Variants in SUN1 observed in about 807,000 individuals in gnomAD.
SUN1 encodes the protein Sad1 and UNC84 domain containing 1, also known as SUN domain-containing protein 1.
A neutral mutation model predicts 103.2 loss-of-function variants in SUN1; 61 were observed. That is an observed-to-expected ratio of 0.59 (90% confidence interval 0.48 to 0.73). SUN1 has a LOEUF of 0.73. SUN1 is among the 30% of genes least tolerant of loss of function. SUN1 has a pLI of 0.00. For missense variants in SUN1, 1,052 were observed against 1,034.6 expected, an observed-to-expected ratio of 1.02 and a Z score of -0.23; for synonymous variants, 490 against 425.7, an observed-to-expected ratio of 1.15 and a Z score of -1.86.
intron 1 of SUN1, among the ~76,000 whole-genome samples, chr7:825,357 T>C (rs892811781): frequency 1.3e-5 from 2 of 152,216 alleles, no homozygotes; most frequent in African/African-American, 4.8e-5. Flanking sequence ...CCACCGCACT[T>C]GGCCTATTAT....
intron 1 of SUN1, among the ~76,000 whole-genome samples, chr7:837,089 G>C (rs1232205176): frequency 6.6e-6 from 1 of 152,244 alleles, no homozygotes; most frequent in Non-Finnish European, 1.5e-5. Flanking sequence ...AAGCGTCTAG[G>C]CCCACCCTGT....
At chr7:856,332 A>G in intron 11 of SUN1, 26 bp from the exon 12 acceptor site, 1 of 1,610,812 alleles carries the variant, frequency 6.2e-7, no homozygotes, top group Non-Finnish European at 8.5e-7. Context: ...TATGTGTTTC[A>G]GTAGACTATT....
chr7:821,812 G>A lies in SUN1; in HGVS notation c.-74+5139G>A, dbSNP rs540525174. ...CCAGTTAAGCGGTCCTGAACACAGC[G>A]GGAAAGGGAGTTCCCACATCGGGGT... On this transcript the variant is annotated intron_variant, in intron 1 of 17. Coordinates refer to the SUN1 transcript ENST00000389574. 5.3e-5 allele frequency among the ~76,000 whole-genome samples: 8 copies of A among 152,272 alleles called. No individual in the cohort carries two copies. The East Asian group carries it at 5.8e-4, about 11-fold the overall frequency.
chr7:838,764 C>T lies in SUN1; in HGVS notation c.78-34C>T, dbSNP rs528396290. The stretch of plus-strand genomic sequence containing the variant: ...TTTGTTTCAGAATGGGGGCTATAAG[C>T]ACTGCTTACCTCTGATGAGCTTTTT... On this transcript the variant is annotated intron_variant, in intron 1 of 18. Coordinates refer to ENST00000401592, the MANE Select transcript of SUN1 (RefSeq NM_001130965.3). The T allele has an allele frequency of 2.2e-5, 33 of 1,493,772 alleles. No homozygotes were observed. The African/African-American group carries it at 4.2e-4, about 19-fold the overall frequency. 92.5% of individuals were successfully genotyped at this position (1,493,772 alleles called of 1,614,324 possible).
intron 5 of SUN1, among the ~76,000 whole-genome samples, chr7:846,554 G>A (rs562405799): frequency 1.4e-4 from 21 of 151,958 alleles, no homozygotes; most frequent in Middle Eastern, 3.4e-3. Context: ...CAGCCTGGGC[G>A]AGAGTGAGAC....
chr7:867,589 CT>C, intron 16 of SUN1, among the ~76,000 whole-genome samples: 1 of 152,324 alleles, frequency 6.6e-6, no homozygotes, highest in Non-Finnish European at 1.5e-5. Context: ...CAGCCCTCCC[CT>C]GGCACAGTTC....
chr7:825,807 G>A (rs566626977), intron 1 of SUN1, among the ~76,000 whole-genome samples: 131 of 151,560 alleles, frequency 8.6e-4, no homozygotes, highest in African/African-American at 3.0e-3. Flanking sequence ...TTAATCTGCA[G>A]GAAAAATAAT....
intron 7 of SUN1, 81 bp from the exon 8 acceptor site, chr7:852,528 A>G: frequency 6.3e-7 from 1 of 1,580,856 alleles, no homozygotes; most frequent in Admixed American, 1.7e-5. Context: ...TTTTGCACAA[A>G]ATTATCTAGA....
intron 1 of SUN1, among the ~76,000 whole-genome samples, chr7:823,798 G>C (rs1788705908): frequency 6.6e-6 from 1 of 152,172 alleles, no homozygotes; most frequent in Non-Finnish European, 1.5e-5. Flanking sequence ...AATGGAGAGG[G>C]GGCATGGGGC....
In SUN1 at chr7:853,523, C is replaced by A. The variant is rs1824158772; in HGVS notation, c.1168C>A (p.Leu390Ile). The A allele has an allele frequency of 1.2e-6, 2 of 1,613,650 alleles. No homozygotes were observed. Among genetic ancestry groups the A allele is most frequent in the Admixed American group, 1.7e-5 (1 of 60,008 alleles). ...GAATCTCCGAGAGCTGACCACTTTG[C>A]TACAGAAGCTGCAGGCTCGGGTGGA... ...GENLRELTTL[L>I]QKLQARVDQM... The change falls in exon 10 of 19, where the codon CTA becomes ATA. Residue 390 changes from leucine to isoleucine, a missense_variant. Physicochemically the swap from Leu to Ile is conservative, Grantham distance 5. Around this residue, in one of 2 missense-constraint regions of SUN1, gnomAD observed 846 missense variants for 774.5 expected, o/e 1.09. Transcript: ENST00000401592.
chr7:833,902 C>T (rs566999112), intron 1 of SUN1, among the ~76,000 whole-genome samples: 5 of 152,304 alleles, frequency 3.3e-5, no homozygotes, highest in Admixed American at 1.3e-4. Context: ...GCTTTTCTGA[C>T]CTATTTTAAT....
chr7:821,280 C>T (rs887248879), intron 1 of SUN1, among the ~76,000 whole-genome samples: 23 of 149,984 alleles, frequency 1.5e-4, no homozygotes, highest in African/African-American at 5.7e-4. Context: ...AGTGATTCTC[C>T]GGCCTTAGCC....
chr7:815,787 C>A (rs1182459816), upstream of SUN1: 37 of 222,450 alleles, frequency 1.7e-4, 1 homozygote, highest in South Asian at 1.7e-3. Flanking sequence ...CACACATTCC[C>A]CAGAAGGGCG....
intron 6 of SUN1, 119 bp downstream of exon 6, chr7:851,601 G>A (rs975283084): frequency 1.1e-6 from 1 of 878,260 alleles, no homozygotes; most frequent in Admixed American, 2.3e-5. Flanking sequence ...TTGACCCTTG[G>A]CGTAACGTGT....
intron 2 of SUN1, among the ~76,000 whole-genome samples, chr7:840,132 C>T (rs1181070296): frequency 1.3e-5 from 2 of 152,170 alleles, no homozygotes; most frequent in Admixed American, 1.3e-4. Flanking sequence ...AGAGCGATGG[C>T]GGAATGGTTG....
At chr7:827,466 G>GTTTT (rs35772182) in intron 1 of SUN1, among the ~76,000 whole-genome samples, 13 of 133,278 alleles carry the variant, frequency 9.8e-5, no homozygotes, top group African/African-American at 1.1e-4. Flanking sequence ...TCTAAAGTCC[G>GTTTT]TTTTTTTTTT....
At position 857,850 on chromosome 7, in the gene SUN1, C is replaced by T; in HGVS notation, c.1417C>T (p.Pro473Ser). 1 of 1,591,416 alleles carries T rather than the reference C, an allele frequency of 6.3e-7. No individual in the cohort carries two copies. The highest frequency in any genetic ancestry group is 8.6e-7 in the Non-Finnish European group (1 of 1,164,194). ...TISAVGEQLL[P>S]TVEHLQLELD... is the part of the protein sequence containing the mutation. ...CAGTGCGGTTGGTGAGCAGCTCCTG[C>T]CCACAGTCGAGCACCTCCAGCTGGA... The change falls in exon 13 of 19, where the codon CCC becomes TCC. Residue 473 changes from proline to serine, a missense_variant. Coordinates refer to ENST00000401592, the MANE Select transcript of SUN1 (RefSeq NM_001130965.3).
chr7:849,799 G>A (rs1430418625), intron 5 of SUN1: 1 of 1,187,196 alleles, frequency 8.4e-7, no homozygotes, highest in Non-Finnish European at 1.2e-6. Flanking sequence ...TGCTTTGATT[G>A]TTGACTGTCT....
intron 1 of SUN1, among the ~76,000 whole-genome samples, chr7:838,332 T>C (rs905878106): frequency 3.3e-5 from 5 of 152,224 alleles, no homozygotes; most frequent in Non-Finnish European, 7.3e-5. Context: ...TTAGATAAAT[T>C]CTAAATTTAG....
Sources: allele counts gnomAD v4.1 joint callset (sites outside exome capture counted in the v4.1 genomes callset), GRCh38; gene constraint gnomAD v4.1.1; regional missense constraint gnomAD v4.1.1; transcripts MANE v1.5; gene names NCBI Gene and HGNC (gene_info 2026-07-23, HGNC 2026-07-21).